CCDC148: variants seen among roughly 807,000 people sequenced by gnomAD.
The protein encoded by CCDC148 is coiled-coil domain-containing protein 148.
In CCDC148, 89 loss-of-function variants were observed where a neutral mutation model predicts 85.7. The observed-to-expected ratio is 1.04, with a 90% CI of 0.87 to 1.24. The LOEUF is 1.24. CCDC148 is among the 50% of genes most tolerant of loss of function. The pLI is 0.00. For missense variants in CCDC148, 692 were observed against 671.7 expected (o/e 1.03, Z -0.33); for synonymous variants, 230 against 213.9 (o/e 1.08, Z -0.66).
At chr2:158,347,531 C>T (rs1391521068) in intron 2 of CCDC148, among the ~76,000 whole-genome samples, 3 of 151,986 alleles carry the variant, frequency 2.0e-5, no homozygotes, top group Admixed American at 2.0e-4. Flanking sequence ...GATTCCAATT[C>T]ATTTTACTGG....
intron 9 of CCDC148, among the ~76,000 whole-genome samples, chr2:158,276,668 CCATT>C (rs1403121638): frequency 1.3e-5 from 2 of 152,154 alleles, no homozygotes; most frequent in African/African-American, 4.8e-5. Context: ...AGCTGAAACT[CCATT>C]CAGACACACA....
At chr2:158,211,597 A>T (rs1054003976) in intron 11 of CCDC148, among the ~76,000 whole-genome samples, 1 of 152,256 alleles carries the variant, frequency 6.6e-6, no homozygotes, top group Non-Finnish European at 1.5e-5. Context: ...CAAGATTTCC[A>T]AATCAAAAAT....
intron 13 of CCDC148, among the ~76,000 whole-genome samples, chr2:158,174,669 C>A (rs1684487310): frequency 6.6e-6 from 1 of 151,938 alleles, no homozygotes; most frequent in Non-Finnish European, 1.5e-5. Flanking sequence ...TAGGCTACAG[C>A]CTGTACAGCA....
chr2:158,359,990 G>A (rs893199093), intron 1 of CCDC148, among the ~76,000 whole-genome samples: 1 of 152,194 alleles, frequency 6.6e-6, no homozygotes, highest in Non-Finnish European at 1.5e-5. Flanking sequence ...TTTTGTGGGG[G>A]TAGGCGCATC....
intron 11 of CCDC148, among the ~76,000 whole-genome samples, chr2:158,183,826 G>A (rs751645658): frequency 2.0e-5 from 3 of 152,058 alleles, no homozygotes; most frequent in Non-Finnish European, 2.9e-5. Context: ...GCAGCATCAC[G>A]GGGAACCTGT....
intron 11 of CCDC148, among the ~76,000 whole-genome samples, chr2:158,199,313 C>T (rs6729704): frequency 0.06 from 9,071 of 152,152 alleles, 895 homozygotes; most frequent in African/African-American, 0.2. Flanking sequence ...GGCACCATCT[C>T]GGCTCACTGC....
intron 10 of CCDC148, among the ~76,000 whole-genome samples, chr2:158,225,169 AAC>A (rs1687435149): frequency 6.6e-6 from 1 of 152,182 alleles, no homozygotes; most frequent in African/African-American, 2.4e-5. Context: ...TCTCTGATAA[AAC>A]AGACTTTAAA....
intron 3 of CCDC148, among the ~76,000 whole-genome samples, chr2:158,343,339 A>G (rs1682823317): frequency 6.6e-6 from 1 of 152,218 alleles, no homozygotes; most frequent in African/African-American, 2.4e-5. Flanking sequence ...CACACAGACT[A>G]GGTTATTTAT....
chr2:158,442,190 T>C (rs1687964051), intron 1 of CCDC148, among the ~76,000 whole-genome samples: 1 of 152,198 alleles, frequency 6.6e-6, no homozygotes, highest in Non-Finnish European at 1.5e-5. Context: ...ATAATTGGCT[T>C]TTGTTCATCA....
At chr2:158,277,389 A>G (rs1406097743) in intron 9 of CCDC148, among the ~76,000 whole-genome samples, 1 of 152,176 alleles carries the variant, frequency 6.6e-6, no homozygotes, top group Non-Finnish European at 1.5e-5. Flanking sequence ...GAATGTTCCA[A>G]ATTAAGCTAA....
At position 158,210,002 on chromosome 2, in the gene CCDC148, A is replaced by G. The variant is rs183387628; in HGVS notation, c.1370+10593T>C. 1.0e-3 allele frequency among the ~76,000 whole-genome samples: 153 copies of G among 152,328 alleles called. 1 individual carries two copies. The highest frequency in any genetic ancestry group is 6.1e-3 in the Admixed American group (93 of 15,300). On this transcript the variant is annotated intron_variant, in intron 11 of 13. Transcript: ENST00000283233. ...TAAATGGGCTAAATGCCCCAATTAA[A>G]AGACACAGACTGGCAAATTGGATAA...
At chr2:158,437,411 T>C (rs186668556) in intron 1 of CCDC148, among the ~76,000 whole-genome samples, 1 of 152,298 alleles carries the variant, frequency 6.6e-6, no homozygotes, top group Admixed American at 6.5e-5. Context: ...GAAAAGGCCT[T>C]TGACAAAATT....
At chr2:158,377,524 GA>G (rs1684704519) in intron 1 of CCDC148, among the ~76,000 whole-genome samples, 1 of 152,026 alleles carries the variant, frequency 6.6e-6, no homozygotes, top group Non-Finnish European at 1.5e-5. Flanking sequence ...TATGTAATTG[GA>G]AAGGTGGCAG....
chr2:158,280,706 T>C (rs1464232703), intron 9 of CCDC148, among the ~76,000 whole-genome samples: 2 of 152,240 alleles, frequency 1.3e-5, no homozygotes, highest in East Asian at 1.9e-4. Flanking sequence ...CTGTCAACAT[T>C]AGACAGATCA....
At chr2:158,401,232 C>T (rs1685768164) in intron 1 of CCDC148, among the ~76,000 whole-genome samples, 1 of 152,134 alleles carries the variant, frequency 6.6e-6, no homozygotes, top group Non-Finnish European at 1.5e-5. Flanking sequence ...AATCATTCTA[C>T]TATAAAGACA....
intron 9 of CCDC148, among the ~76,000 whole-genome samples, chr2:158,274,818 T>C (rs1358255124): frequency 6.6e-6 from 1 of 152,186 alleles, no homozygotes; most frequent in Non-Finnish European, 1.5e-5. Context: ...AGGCTGGTGG[T>C]AGAGAAGTCA....
chr2:158,250,938 C>T, intron 9 of CCDC148, 26 bp from the exon 10 acceptor site: 1 of 1,586,202 alleles, frequency 6.3e-7, no homozygotes, highest in Non-Finnish European at 8.5e-7. Flanking sequence ...AAACTTCATT[C>T]CAGTAACTAT....
chr2:158,306,830 TA>T (rs57694988), intron 9 of CCDC148, among the ~76,000 whole-genome samples: 70,374 of 135,474 alleles, frequency 0.52, 17,403 homozygotes, highest in Middle Eastern at 0.63. Context: ...AGTATAATAA[TA>T]AAAAAAAAAA....
At chr2:158,418,149 C>A (rs1686592411) in intron 1 of CCDC148, among the ~76,000 whole-genome samples, 1 of 151,590 alleles carries the variant, frequency 6.6e-6, no homozygotes, top group South Asian at 2.1e-4. Context: ...AATACTAAAG[C>A]CTGAGCTCAA....
Sources: gnomAD v4.1 joint callset for allele counts (sites outside exome capture counted in the v4.1 genomes callset) on GRCh38, gnomAD v4.1.1 for gene constraint, MANE v1.5 for transcripts, NCBI Gene and HGNC (gene_info 2026-07-23, HGNC 2026-07-21) for gene names.